The following NRG1 variants were observed in gnomAD, a reference collection of about 807,000 sequenced individuals.
NRG1 encodes pro-neuregulin-1, membrane-bound isoform.
A neutral mutation model predicts 63.8 loss-of-function variants in NRG1; 18 were observed. That is an observed-to-expected ratio of 0.28 (90% CI 0.19 to 0.42). The LOEUF is 0.42. Among genes scored for constraint, NRG1 ranks in the 10% least tolerant of loss-of-function variants. NRG1 has a pLI of 1.00. For synonymous variants in NRG1, 302 were observed against 301.3 expected (o/e 1.00, Z -0.02); for missense variants, 762 against 814.7 (o/e 0.94, Z 0.79).
At chr8:31,992,483 GAGC>G (rs1811266070) in intron 1 of NRG1, among the ~76,000 whole-genome samples, 2 of 152,034 alleles carry the variant, frequency 1.3e-5, no homozygotes, top group Admixed American at 6.6e-5. Flanking sequence ...TTAAAACTAG[GAGC>G]CAAATGCAGG....
At chr8:31,937,764 T>C (rs563115698) in intron 1 of NRG1, among the ~76,000 whole-genome samples, 1 of 152,212 alleles carries the variant, frequency 6.6e-6, no homozygotes, top group East Asian at 1.9e-4. Context: ...ACTTCTCTGG[T>C]ATCCTGTATG....
At chr8:31,968,257 A>C (rs1806693210) in intron 1 of NRG1, among the ~76,000 whole-genome samples, 1 of 152,192 alleles carries the variant, frequency 6.6e-6, no homozygotes, top group Admixed American at 6.5e-5. Context: ...ATTAATCATC[A>C]CTAGCTGTCA....
intron 5 of NRG1, among the ~76,000 whole-genome samples, chr8:32,642,458 T>C (rs762067560): frequency 6.6e-6 from 1 of 152,152 alleles, no homozygotes; most frequent in Non-Finnish European, 1.5e-5. Flanking sequence ...TGGGAAGGGC[T>C]TCGTCAAGGA....
intron 1 of NRG1, among the ~76,000 whole-genome samples, chr8:32,527,832 T>C (rs552128977): frequency 6.6e-6 from 1 of 152,184 alleles, no homozygotes; most frequent in Admixed American, 6.5e-5. Context: ...ATTTTCTTTG[T>C]TCCTCTTCTT....
intron 1 of NRG1, among the ~76,000 whole-genome samples, chr8:32,410,438 A>T (rs576154384): frequency 6.6e-6 from 1 of 152,156 alleles, no homozygotes; most frequent in Admixed American, 6.5e-5. Context: ...AAGTGATGGG[A>T]TTACAGGTGT....
intron 1 of NRG1, among the ~76,000 whole-genome samples, chr8:32,565,516 G>A (rs917615164): frequency 2.0e-5 from 3 of 151,878 alleles, no homozygotes; most frequent in South Asian, 2.1e-4. Context: ...TCACTCTCCC[G>A]CTGTATCTCT....
At chr8:32,515,763 T>A (rs1829760932) in intron 1 of NRG1, among the ~76,000 whole-genome samples, 1 of 152,162 alleles carries the variant, frequency 6.6e-6, no homozygotes, top group Non-Finnish European at 1.5e-5. Context: ...TTAATGGGGT[T>A]ATTTGTTTTT....
chr8:32,006,607 G>A (rs189300863), intron 1 of NRG1, among the ~76,000 whole-genome samples: 3 of 152,136 alleles, frequency 2.0e-5, no homozygotes, highest in African/African-American at 4.8e-5. Flanking sequence ...TTGAGCTGTT[G>A]CTGGTTTGAA....
At chr8:32,565,606 A>T (rs1333752268) in intron 1 of NRG1, among the ~76,000 whole-genome samples, 1 of 152,130 alleles carries the variant, frequency 6.6e-6, no homozygotes, top group African/African-American at 2.4e-5. Flanking sequence ...GAAGTTTTTC[A>T]TTTCAAGGAC....
At chr8:32,301,732 G>A (rs558388537) in intron 1 of NRG1, among the ~76,000 whole-genome samples, 113 of 152,278 alleles carry the variant, frequency 7.4e-4, no homozygotes, top group Non-Finnish European at 1.4e-3. Flanking sequence ...ATCAGATCTC[G>A]TGAGACTCAT....
chr8:32,028,177 T>C (rs1014534618), intron 1 of NRG1, among the ~76,000 whole-genome samples: 4 of 152,140 alleles, frequency 2.6e-5, no homozygotes, highest in African/African-American at 9.7e-5. Context: ...GCTCTCATGG[T>C]TAGGGAAAGA....
chr8:32,381,500 TA>T (rs1391422630), intron 1 of NRG1, among the ~76,000 whole-genome samples: 1 of 152,166 alleles, frequency 6.6e-6, no homozygotes, highest in Admixed American at 6.6e-5. Context: ...CAGTCCTCAA[TA>T]AATACTTGAT....
intron 1 of NRG1, among the ~76,000 whole-genome samples, chr8:32,451,309 C>A (rs2347497): frequency 0.77 from 117,269 of 152,044 alleles, 45,425 homozygotes; most frequent in East Asian, 0.89. Context: ...CTGCCCTAGT[C>A]ACCATGACAT....
At chr8:32,185,230 G>A (rs915753805) in intron 1 of NRG1, among the ~76,000 whole-genome samples, 5 of 152,118 alleles carry the variant, frequency 3.3e-5, no homozygotes, top group African/African-American at 7.2e-5. Flanking sequence ...CCATAACACC[G>A]TGAATATAGC....
intron 1 of NRG1, among the ~76,000 whole-genome samples, chr8:32,002,987 G>A (rs527789279): frequency 6.6e-6 from 1 of 152,010 alleles, no homozygotes; most frequent in East Asian, 1.9e-4. Flanking sequence ...TTGTATGCTT[G>A]TAGCTGAACA....
At chr8:32,362,517 T>A (rs2129481666) in intron 1 of NRG1, among the ~76,000 whole-genome samples, 1 of 152,334 alleles carries the variant, frequency 6.6e-6, no homozygotes, top group East Asian at 1.9e-4. Flanking sequence ...GTATCTGTAG[T>A]ACTTTGGCCC....
intron 1 of NRG1, among the ~76,000 whole-genome samples, chr8:32,480,998 G>A (rs770915177): frequency 6.6e-6 from 1 of 152,104 alleles, no homozygotes; most frequent in Non-Finnish European, 1.5e-5. Context: ...GCATCACATT[G>A]TGCCCTATAC....
chr8:32,556,864 C>T (rs1286117514), intron 1 of NRG1, among the ~76,000 whole-genome samples: 1 of 152,200 alleles, frequency 6.6e-6, no homozygotes, highest in Non-Finnish European at 1.5e-5. Context: ...CACAGGGAAT[C>T]TAAAACCAGC....
chr8:32,206,596 A>G (rs1844090319), intron 1 of NRG1, among the ~76,000 whole-genome samples: 1 of 152,206 alleles, frequency 6.6e-6, no homozygotes, highest in South Asian at 2.1e-4. Context: ...CTCTGTAGCC[A>G]TTTGAAATCT....
Sources: gnomAD v4.1 joint callset for allele counts (sites outside exome capture counted in the v4.1 genomes callset) on GRCh38, gnomAD v4.1.1 for gene constraint, MANE v1.5 for transcripts, NCBI Gene and HGNC (gene_info 2026-07-23, HGNC 2026-07-21) for gene names.